MCTP1: variants seen among roughly 807,000 people sequenced by gnomAD.
MCTP1 encodes multiple C2 and transmembrane domain containing 1, also known as multiple C2 and transmembrane domain-containing protein 1.
MCTP1 carries 69 observed loss-of-function variants against 120.6 expected under a neutral mutation model. The ratio of observed to expected loss-of-function variants is 0.57; its 90% CI spans 0.47 to 0.70. MCTP1 has a LOEUF of 0.70. Among genes scored for constraint, MCTP1 ranks in the 30% least tolerant of loss-of-function variants. The pLI is 0.00. For missense variants in MCTP1, 1,203 were observed against 1,248.8 expected, an observed-to-expected ratio of 0.96 and a Z score of 0.55; for synonymous variants, 529 against 493.1, an observed-to-expected ratio of 1.07 and a Z score of -0.96.
At chr5:95,089,989 C>T (rs533165259) in intron 1 of MCTP1, among the ~76,000 whole-genome samples, 182 of 152,256 alleles carry the variant, frequency 1.2e-3, no homozygotes, top group African/African-American at 4.1e-3. Context: ...ACACTCAGGC[C>T]TCTCCCCAGG....
chr5:95,159,403 A>T (rs182295369), intron 1 of MCTP1, among the ~76,000 whole-genome samples: 1 of 152,234 alleles, frequency 6.6e-6, no homozygotes, highest in Non-Finnish European at 1.5e-5. Context: ...ACTTTCTGAT[A>T]ACTACTGTGT....
chr5:94,987,861 T>C (rs182531004), intron 2 of MCTP1, among the ~76,000 whole-genome samples: 30 of 152,336 alleles, frequency 2.0e-4, no homozygotes, highest in Admixed American at 1.8e-3. Flanking sequence ...TGGAGAGCTT[T>C]TTAATGTTCA....
chr5:95,205,217 G>A (rs1318235649), intron 1 of MCTP1, among the ~76,000 whole-genome samples: 3 of 152,020 alleles, frequency 2.0e-5, no homozygotes, highest in Non-Finnish European at 4.4e-5. Flanking sequence ...TTTTGACAAA[G>A]GTGCCAAGAA....
chr5:95,069,560 G>A (rs1271762060), intron 1 of MCTP1, among the ~76,000 whole-genome samples: 1 of 151,906 alleles, frequency 6.6e-6, no homozygotes, highest in Non-Finnish European at 1.5e-5. Context: ...GTCTATGTAT[G>A]TGTGTGAAAA....
In MCTP1 at chr5:94,951,899, C is replaced by T. The variant is rs949697280; in HGVS notation, c.981+1320G>A. 2.6e-5 allele frequency among the ~76,000 whole-genome samples: 4 copies of T among 152,052 alleles called. No individual in the cohort carries two copies. In the South Asian group the frequency reaches 6.2e-4, roughly 24 times the overall value. ...CAAAAACGCTATTTAAGGCCGGGCACGGTGGCTCATGCCTATAATCCCAGC... is the reference window on the plus strand; with the variant it reads ...CAAAAACGCTATTTAAGGCCGGGCATGGTGGCTCATGCCTATAATCCCAGC... On this transcript the variant is annotated intron_variant, in intron 3 of 22. Transcript: ENST00000515393.
At chr5:94,855,896 A>G (rs1794641696) in intron 17 of MCTP1, among the ~76,000 whole-genome samples, 1 of 151,810 alleles carries the variant, frequency 6.6e-6, no homozygotes, top group African/African-American at 2.4e-5. Flanking sequence ...GATATTTTAC[A>G]TAACAATATA....
intron 1 of MCTP1, among the ~76,000 whole-genome samples, chr5:95,195,632 T>C (rs1562226943): frequency 1.3e-5 from 2 of 152,094 alleles, no homozygotes; most frequent in Non-Finnish European, 1.5e-5. Context: ...ATAAAAGATA[T>C]GAGTTTGGAT....
At chr5:95,053,018 G>T (rs901537922) in intron 1 of MCTP1, among the ~76,000 whole-genome samples, 1 of 152,072 alleles carries the variant, frequency 6.6e-6, no homozygotes, top group African/African-American at 2.4e-5. Context: ...ATGTGGCAAA[G>T]AAATACTCTC....
chr5:94,909,807 T>G (rs1045260845), intron 9 of MCTP1, among the ~76,000 whole-genome samples: 2 of 152,080 alleles, frequency 1.3e-5, no homozygotes, highest in South Asian at 2.1e-4. Flanking sequence ...TTTTTCTTAC[T>G]TGCCATACAC....
intron 10 of MCTP1, among the ~76,000 whole-genome samples, chr5:94,898,681 C>T (rs1246474903): frequency 6.6e-6 from 1 of 152,022 alleles, no homozygotes; most frequent in East Asian, 1.9e-4. Context: ...TATATTGTTA[C>T]CAAGATAAAA....
intron 11 of MCTP1, 64 bp downstream of exon 11, chr5:94,894,585 G>T: frequency 8.2e-7 from 1 of 1,224,820 alleles, no homozygotes; most frequent in Non-Finnish European, 1.1e-6. Flanking sequence ...GTCCCTCCAG[G>T]TAAATTGTTT....
At chr5:95,227,246 G>A (rs920801634) in intron 1 of MCTP1, among the ~76,000 whole-genome samples, 4 of 152,018 alleles carry the variant, frequency 2.6e-5, no homozygotes, top group African/African-American at 4.8e-5. Flanking sequence ...CAATCCCCCC[G>A]AAATTAAAGC....
intron 1 of MCTP1, among the ~76,000 whole-genome samples, chr5:95,182,359 T>A (rs960235941): frequency 1.3e-5 from 2 of 152,200 alleles, no homozygotes; most frequent in African/African-American, 4.8e-5. Context: ...AGATGCTCAC[T>A]CTGTATGGTA....
chr5:94,983,676 T>A (rs1038895008), intron 2 of MCTP1, among the ~76,000 whole-genome samples: 4 of 151,954 alleles, frequency 2.6e-5, no homozygotes, highest in East Asian at 3.9e-4. Context: ...TCAATCTATC[T>A]ATCTATCTAT....
intron 7 of MCTP1, among the ~76,000 whole-genome samples, chr5:94,920,173 C>G (rs1811180266): frequency 6.6e-6 from 1 of 151,732 alleles, no homozygotes; most frequent in Non-Finnish European, 1.5e-5. Flanking sequence ...AAAATCATCA[C>G]ATATATTGTA....
chr5:95,136,319 T>G (rs1759440544), intron 1 of MCTP1, among the ~76,000 whole-genome samples: 3 of 152,266 alleles, frequency 2.0e-5, no homozygotes, highest in African/African-American at 7.2e-5. Context: ...CAGACAATTC[T>G]TGTTATCCTT....
At chr5:95,225,951 T>C (rs947097407) in intron 1 of MCTP1, among the ~76,000 whole-genome samples, 1 of 152,226 alleles carries the variant, frequency 6.6e-6, no homozygotes, top group African/African-American at 2.4e-5. Flanking sequence ...TGACCTGTTT[T>C]GTGACCCTAT....
intron 1 of MCTP1, among the ~76,000 whole-genome samples, chr5:95,103,090 C>G (rs893458972): frequency 1.3e-5 from 2 of 151,768 alleles, no homozygotes; most frequent in Non-Finnish European, 2.9e-5. Context: ...ATATACTTAA[C>G]AAAGACTGTT....
chr5:95,196,680 G>C (rs2152541564), intron 1 of MCTP1, among the ~76,000 whole-genome samples: 1 of 152,316 alleles, frequency 6.6e-6, no homozygotes, highest in East Asian at 1.9e-4. Context: ...TGTTAGCACT[G>C]GGCCTTAACA....
Sources: gnomAD v4.1 joint callset for allele counts (sites outside exome capture counted in the v4.1 genomes callset) on GRCh38, gnomAD v4.1.1 for gene constraint, MANE v1.5 for transcripts, NCBI Gene and HGNC (gene_info 2026-07-23, HGNC 2026-07-21) for gene names.